IL1RAPL1: variants seen among roughly 807,000 people sequenced by gnomAD.
IL1RAPL1 encodes the protein interleukin-1 receptor accessory protein-like 1.
A neutral mutation model predicts 48.4 loss-of-function variants in IL1RAPL1; 3 were observed. That is an observed-to-expected ratio of 0.06 (90% CI 0.03 to 0.16). The LOEUF (loss-of-function observed/expected upper bound fraction) is 0.16, where lower values mean the gene tolerates loss of function less well. Among genes scored for constraint, IL1RAPL1 ranks in the 10% least tolerant of loss-of-function variants. The pLI, the probability that IL1RAPL1 is intolerant of heterozygous loss-of-function variation, is 1.00. For synonymous variants in IL1RAPL1, 185 were observed against 187.7 expected, an observed-to-expected ratio of 0.99 and a Z score of 0.12; for missense variants, 349 against 530.6, an observed-to-expected ratio of 0.66 and a Z score of 3.36.
chrX:29,660,507 A>G (rs1925810170), intron 5 of IL1RAPL1, among the ~76,000 whole-genome samples: 1 of 111,828 alleles, frequency 8.9e-6, no homozygotes, highest in African/African-American at 3.3e-5. Flanking sequence ...TTTTGAGTTT[A>G]TTTTTGTATA....
rs1013807392 is a variant in IL1RAPL1 at position 29,456,508 on chromosome X, G to A, written c.703+57200G>A. On this transcript the variant is annotated intron_variant, in intron 5 of 10. Coordinates refer to ENST00000378993, the MANE Select transcript of IL1RAPL1 (RefSeq NM_014271.4). ...TTTGCCAGTCACAGAATACAAGAAA[G>A]AAAAAGGGAGTCATTCATTTTATTT... Among the ~76,000 whole-genome samples the A allele has an allele frequency of 5.0e-4, 55 of 110,072 alleles. 1 individual carries two copies. Among genetic ancestry groups the A allele is most frequent in the African/African-American group, 1.8e-3 (52 of 29,660 alleles).
intron 5 of IL1RAPL1, among the ~76,000 whole-genome samples, chrX:29,504,483 A>G (rs1935307782): frequency 8.9e-6 from 1 of 111,810 alleles, no homozygotes; most frequent in Non-Finnish European, 1.9e-5. Flanking sequence ...TTTTAAATCT[A>G]TTAATGTTTG....
chrX:29,045,961 CCTCCTT>C (rs1263876046), intron 2 of IL1RAPL1, among the ~76,000 whole-genome samples: 2 of 66,527 alleles, frequency 3.0e-5, no homozygotes, highest in Admixed American at 2.0e-4. Context: ...TCCTCCTCCT[CCTCCTT>C]CTTCTCCTCC....
chrX:28,959,483 A>G (rs922014756), intron 2 of IL1RAPL1, among the ~76,000 whole-genome samples: 1 of 111,972 alleles, frequency 8.9e-6, no homozygotes, highest in Non-Finnish European at 1.9e-5. Context: ...CTTATCACCA[A>G]TATTATTTAA....
intron 6 of IL1RAPL1, among the ~76,000 whole-genome samples, chrX:29,827,700 C>T (rs770765412): frequency 8.9e-6 from 1 of 112,698 alleles, no homozygotes; most frequent in African/African-American, 3.2e-5. Flanking sequence ...TGGCCCTCCA[C>T]TCGTCCTTTG....
At chrX:29,047,592 A>G (rs1400538347) in intron 2 of IL1RAPL1, among the ~76,000 whole-genome samples, 1 of 112,256 alleles carries the variant, frequency 8.9e-6, no homozygotes, top group African/African-American at 3.2e-5. Context: ...AGGATTTGGG[A>G]CCAAGGGTAA....
intron 2 of IL1RAPL1, among the ~76,000 whole-genome samples, chrX:29,171,919 T>G (rs374141742): frequency 2.6e-4 from 29 of 112,445 alleles, no homozygotes; most frequent in African/African-American, 9.0e-4. Flanking sequence ...GCTTCTTAAC[T>G]GAGAGAATGA....
At chrX:29,098,490 T>G (rs757229325) in intron 2 of IL1RAPL1, among the ~76,000 whole-genome samples, 2 of 112,541 alleles carry the variant, frequency 1.8e-5, no homozygotes, top group South Asian at 7.3e-4. Context: ...ATGTATTTAT[T>G]TGGAAATAAA....
At chrX:29,079,855 A>G (rs1335670018) in intron 2 of IL1RAPL1, among the ~76,000 whole-genome samples, 2 of 111,578 alleles carry the variant, frequency 1.8e-5, no homozygotes, top group African/African-American at 3.3e-5. Flanking sequence ...AGTCATGAGC[A>G]ACTTCACTTA....
intron 2 of IL1RAPL1, among the ~76,000 whole-genome samples, chrX:29,038,578 G>T (rs2147414819): frequency 9.0e-6 from 1 of 111,302 alleles, no homozygotes; most frequent in South Asian, 3.8e-4. Flanking sequence ...CCATGCTTCT[G>T]GAGTGGGGGC....
At chrX:29,810,901 A>G (rs1422711053) in intron 6 of IL1RAPL1, among the ~76,000 whole-genome samples, 1 of 111,400 alleles carries the variant, frequency 9.0e-6, no homozygotes, top group Non-Finnish European at 1.9e-5. Context: ...CACATAATAA[A>G]CCCCTTCTTT....
chrX:28,733,510 A>G (rs750056394), intron 1 of IL1RAPL1, among the ~76,000 whole-genome samples: 9 of 111,106 alleles, frequency 8.1e-5, no homozygotes, highest in Admixed American at 6.7e-4. Context: ...CCAATTCTCA[A>G]TCCTTAAGGC....
intron 2 of IL1RAPL1, among the ~76,000 whole-genome samples, chrX:28,844,506 A>G (rs2147293617): frequency 9.1e-6 from 1 of 109,949 alleles, no homozygotes; most frequent in Admixed American, 9.8e-5. Flanking sequence ...GAGCGAGGCC[A>G]TTGTAGAACA....
chrX:28,704,732 C>G (rs1415216489), intron 1 of IL1RAPL1, among the ~76,000 whole-genome samples: 5 of 97,266 alleles, frequency 5.1e-5, no homozygotes, highest in African/African-American at 1.9e-4. Context: ...AAGCATCAGA[C>G]AAGGAAAGAT....
At chrX:28,931,175 T>C (rs1923872560) in intron 2 of IL1RAPL1, among the ~76,000 whole-genome samples, 1 of 111,883 alleles carries the variant, frequency 8.9e-6, no homozygotes, top group Non-Finnish European at 1.9e-5. Flanking sequence ...TAAACAGTGT[T>C]TCCTTAACAA....
chrX:28,774,713 G>A (rs1936344448), intron 1 of IL1RAPL1, among the ~76,000 whole-genome samples: 1 of 111,486 alleles, frequency 9.0e-6, no homozygotes, highest in Admixed American at 9.6e-5. Flanking sequence ...TCACTCAAAG[G>A]TGGGGGATTA....
intron 3 of IL1RAPL1, among the ~76,000 whole-genome samples, chrX:29,373,837 A>C (rs1182278787): frequency 1.7e-5 from 1 of 60,211 alleles, no homozygotes; most frequent in Non-Finnish European, 3.5e-5. Flanking sequence ...TTTAATTTTT[A>C]ATGTTTTGTT....
intron 5 of IL1RAPL1, among the ~76,000 whole-genome samples, chrX:29,407,749 C>T (rs1224335560): frequency 9.0e-6 from 1 of 111,524 alleles, no homozygotes; most frequent in Non-Finnish European, 1.9e-5. Context: ...GTATCCTAAC[C>T]GAATTGACTG....
At chrX:29,563,361 T>C (rs1922302170) in intron 5 of IL1RAPL1, among the ~76,000 whole-genome samples, 1 of 112,200 alleles carries the variant, frequency 8.9e-6, no homozygotes, top group African/African-American at 3.2e-5. Context: ...CAGAGCTTTT[T>C]ATTCACTTTT....
Sources: allele counts gnomAD v4.1 joint callset (sites outside exome capture counted in the v4.1 genomes callset), GRCh38; gene constraint gnomAD v4.1.1; transcripts MANE v1.5; gene names NCBI Gene and HGNC (gene_info 2026-07-23, HGNC 2026-07-21).